The following SCHIP1 variants were observed in gnomAD, a reference collection of about 807,000 sequenced individuals.
The protein encoded by SCHIP1 is schwannomin-interacting protein 1.
In SCHIP1, 8 loss-of-function variants were observed where a neutral mutation model predicts 29.7. That is an observed-to-expected ratio of 0.27 (90% CI 0.16 to 0.49). The LOEUF (loss-of-function observed/expected upper bound fraction) is 0.49, where lower values mean the gene tolerates loss of function less well. SCHIP1 is among the 20% of genes least tolerant of loss of function. The pLI, the probability that SCHIP1 is intolerant of heterozygous loss-of-function variation, is 0.99. For missense variants in SCHIP1, 193 were observed against 294.6 expected (o/e 0.66, Z 2.52); for synonymous variants, 76 against 94.9 (o/e 0.80, Z 1.16).
At chr3:159,840,812 A>C (rs1014735354) in intron 1 of SCHIP1, among the ~76,000 whole-genome samples, 2 of 152,246 alleles carry the variant, frequency 1.3e-5, no homozygotes, top group African/African-American at 4.8e-5. Flanking sequence ...CTCCAAATAG[A>C]AAAATCTTAG....
the SCHIP1 span, among the ~76,000 whole-genome samples, chr3:159,790,672 C>T: frequency 2.6e-5 from 4 of 152,084 alleles, no homozygotes; most frequent in African/African-American, 9.7e-5. Context: ...GGTGACAGAG[C>T]GAGATTGTCT....
At chr3:159,621,759 GGCTTCAAGT>G in the SCHIP1 span, among the ~76,000 whole-genome samples, 2 of 152,018 alleles carry the variant, frequency 1.3e-5, no homozygotes, top group African/African-American at 2.4e-5. Flanking sequence ...TCCGCCTCCT[GGCTTCAAGT>G]GTTTCTCCTG....
chr3:159,521,640 T>C, the SCHIP1 span, among the ~76,000 whole-genome samples: 1 of 152,234 alleles, frequency 6.6e-6, no homozygotes, highest in Non-Finnish European at 1.5e-5. Flanking sequence ...GTACTGCTTC[T>C]TCGCTGGAAT....
At chr3:159,752,521 A>C in the SCHIP1 span, among the ~76,000 whole-genome samples, 3 of 152,180 alleles carry the variant, frequency 2.0e-5, no homozygotes, top group African/African-American at 7.2e-5. Flanking sequence ...GCTGTACAGA[A>C]GCATGACAGC....
chr3:159,628,919 G>C, the SCHIP1 span, among the ~76,000 whole-genome samples: 1 of 151,824 alleles, frequency 6.6e-6, no homozygotes, highest in African/African-American at 2.4e-5. Flanking sequence ...AGTTGGTGGA[G>C]AATAGACAAA....
At chr3:159,595,754 C>T in the SCHIP1 span, among the ~76,000 whole-genome samples, 41 of 152,274 alleles carry the variant, frequency 2.7e-4, no homozygotes, top group African/African-American at 8.7e-4. Context: ...GTAAGGTTGG[C>T]ATCTACCATG....
the SCHIP1 span, among the ~76,000 whole-genome samples, chr3:159,504,677 G>C: frequency 1.3e-5 from 2 of 152,024 alleles, no homozygotes; most frequent in African/African-American, 4.8e-5. Context: ...CTCGCAAACT[G>C]CCTGTCACAA....
chr3:159,315,401 T>A, the SCHIP1 span, among the ~76,000 whole-genome samples: 4 of 149,666 alleles, frequency 2.7e-5, 1 homozygote, highest in Non-Finnish European at 5.9e-5. Context: ...TTCTTTTTTT[T>A]TTTTTTTTAG....
chr3:159,580,350 C>T, the SCHIP1 span, among the ~76,000 whole-genome samples: 3 of 152,156 alleles, frequency 2.0e-5, no homozygotes, highest in African/African-American at 7.2e-5. Flanking sequence ...AGAGCCTGCA[C>T]AGACACAGGG....
the SCHIP1 span, among the ~76,000 whole-genome samples, chr3:159,536,462 G>C: frequency 1.3e-5 from 2 of 152,116 alleles, no homozygotes; most frequent in African/African-American, 4.8e-5. Context: ...ACATTTCTTG[G>C]TCCTATTTAT....
At chr3:159,528,260 C>T in the SCHIP1 span, among the ~76,000 whole-genome samples, 2 of 152,136 alleles carry the variant, frequency 1.3e-5, no homozygotes, top group South Asian at 4.1e-4. Flanking sequence ...TTTAAATGTA[C>T]TCATTTACAT....
chr3:159,394,227 G>T, the SCHIP1 span, among the ~76,000 whole-genome samples: 2 of 150,452 alleles, frequency 1.3e-5, no homozygotes, highest in Admixed American at 1.3e-4. Context: ...GAGACAATGG[G>T]GTTTTCTAGA....
chr3:159,462,449 G>A, the SCHIP1 span, among the ~76,000 whole-genome samples: 4 of 151,956 alleles, frequency 2.6e-5, no homozygotes, highest in African/African-American at 9.7e-5. Flanking sequence ...AGGACCTCTG[G>A]TATCTCTCAG....
chr3:159,360,602 G>C, the SCHIP1 span, among the ~76,000 whole-genome samples: 1 of 152,216 alleles, frequency 6.6e-6, no homozygotes, highest in South Asian at 2.1e-4. Flanking sequence ...AGTGCATCCA[G>C]ACTAGGCTAT....
At chr3:159,636,618 A>T in the SCHIP1 span, among the ~76,000 whole-genome samples, 1 of 152,222 alleles carries the variant, frequency 6.6e-6, no homozygotes, top group African/African-American at 2.4e-5. Context: ...TAAATGTAGA[A>T]GTGATAGGCA....
the SCHIP1 span, among the ~76,000 whole-genome samples, chr3:159,586,613 T>C: frequency 9.2e-5 from 14 of 152,228 alleles, no homozygotes; most frequent in African/African-American, 3.4e-4. Context: ...GAGGATGCTA[T>C]AAGGCTCAGC....
chr3:159,810,336 C>A, the SCHIP1 span, among the ~76,000 whole-genome samples: 194 of 152,336 alleles, frequency 1.3e-3, no homozygotes, highest in African/African-American at 4.5e-3. Flanking sequence ...TGAGCCACCA[C>A]GCCCGGCCTC....
the SCHIP1 span, among the ~76,000 whole-genome samples, chr3:159,379,375 C>T: frequency 5.9e-5 from 9 of 152,196 alleles, no homozygotes; most frequent in East Asian, 3.9e-4. Flanking sequence ...GCACCCGCCA[C>T]GATGCCTGGC....
chr3:159,457,361 G>A, the SCHIP1 span, among the ~76,000 whole-genome samples: 1 of 151,020 alleles, frequency 6.6e-6, no homozygotes, highest in Non-Finnish European at 1.5e-5. Context: ...ACCATTCTTT[G>A]TAATTATCAT....
Sources: allele counts gnomAD v4.1 joint callset (sites outside exome capture counted in the v4.1 genomes callset), GRCh38; gene constraint gnomAD v4.1.1; transcripts MANE v1.5; gene names NCBI Gene and HGNC (gene_info 2026-07-23, HGNC 2026-07-21).